C8B: variants seen among roughly 807,000 people sequenced by gnomAD.
The protein encoded by C8B is complement C8 beta chain.
In C8B, 67 loss-of-function variants were observed where a neutral mutation model predicts 64.6. That is an observed-to-expected ratio of 1.04 (90% confidence interval 0.85 to 1.27). The LOEUF is 1.27. Ranked by LOEUF, C8B falls within the 50% of genes most tolerant of loss-of-function variation. The pLI, the probability that C8B is intolerant of heterozygous loss-of-function variation, is 0.00. For synonymous variants in C8B, 284 were observed against 257.7 expected (o/e 1.10, Z -0.98); for missense variants, 790 against 725.2 (o/e 1.09, Z -1.03).
chr1:56,948,247 T>A (rs1364307742), intron 6 of C8B, among the ~76,000 whole-genome samples: 4 of 152,120 alleles, frequency 2.6e-5, no homozygotes, highest in Non-Finnish European at 5.9e-5. Flanking sequence ...AGGGGAAAGC[T>A]AGGAGACAAA....
At chr1:56,939,603 C>T (rs1014439011) in intron 9 of C8B, among the ~76,000 whole-genome samples, 1 of 152,150 alleles carries the variant, frequency 6.6e-6, no homozygotes, top group African/African-American at 2.4e-5. Context: ...TGCAGAAGTC[C>T]CCACAGGCAA....
intron 11 of C8B, chr1:56,931,529 G>A (rs1644700751): frequency 5.1e-6 from 2 of 391,814 alleles, no homozygotes; most frequent in East Asian, 6.0e-5. Flanking sequence ...CAGGAAAAGA[G>A]GGTAAGCATT....
intron 4 of C8B, 30 bp from the exon 5 acceptor site, chr1:56,952,210 G>A (rs200607505): frequency 5.0e-6 from 8 of 1,613,444 alleles, no homozygotes; most frequent in Non-Finnish European, 6.8e-6. Flanking sequence ...ATGGCGAAGA[G>A]GTTAAAGTTT....
chr1:56,946,173 T>C (rs1644939734), intron 6 of C8B, 112 bp from the exon 7 acceptor site: 1 of 1,238,482 alleles, frequency 8.1e-7, no homozygotes, highest in Non-Finnish European at 1.2e-6. Context: ...TCATCACTCT[T>C]ATGATTCCTT....
intron 6 of C8B, among the ~76,000 whole-genome samples, chr1:56,948,181 G>A (rs1383153936): frequency 1.3e-5 from 2 of 152,128 alleles, no homozygotes; most frequent in Non-Finnish European, 2.9e-5. Context: ...GTAAGCAATA[G>A]GAAGCAGATG....
intron 1 of C8B, among the ~76,000 whole-genome samples, chr1:56,961,650 G>A (rs1269993780): frequency 1.3e-5 from 2 of 152,152 alleles, no homozygotes; most frequent in South Asian, 2.1e-4. Flanking sequence ...AGTCATTAGG[G>A]AGAAGAGCAT....
At chr1:56,948,661 G>A (rs534271332) in intron 6 of C8B, among the ~76,000 whole-genome samples, 1 of 152,094 alleles carries the variant, frequency 6.6e-6, no homozygotes, top group Non-Finnish European at 1.5e-5. Flanking sequence ...TGAGAAGAGG[G>A]CCATGAATTA....
At chr1:56,935,649 C>G (rs1351748319) in intron 9 of C8B, among the ~76,000 whole-genome samples, 1 of 152,212 alleles carries the variant, frequency 6.6e-6, no homozygotes, top group Admixed American at 6.5e-5. Flanking sequence ...TATACATTAT[C>G]TAACTTAATC....
intron 6 of C8B, among the ~76,000 whole-genome samples, chr1:56,948,028 C>G (rs75931318): frequency 1.3e-5 from 2 of 152,154 alleles, no homozygotes; most frequent in East Asian, 3.9e-4. Flanking sequence ...ACTGTGAACA[C>G]GAAGGCCAGA....
chr1:56,944,163 C>A (rs566820660), intron 7 of C8B, among the ~76,000 whole-genome samples: 1 of 152,292 alleles, frequency 6.6e-6, no homozygotes, highest in South Asian at 2.1e-4. Flanking sequence ...GTGACTGTTA[C>A]AATCTGCCTG....
intron 4 of C8B, 83 bp from the exon 5 acceptor site, chr1:56,952,263 C>A (rs1439152424): frequency 3.8e-6 from 6 of 1,584,854 alleles, no homozygotes; most frequent in East Asian, 4.5e-5. Flanking sequence ...TGAACGAAAA[C>A]AAAAACTCCT....
intron 11 of C8B, 26 bp downstream of exon 11, chr1:56,931,784 C>G (rs749023257): frequency 1.2e-5 from 18 of 1,537,710 alleles, no homozygotes; most frequent in Admixed American, 6.7e-5. Context: ...TGGACCTCCC[C>G]AGAGTTCCTT....
chr1:56,934,159 G>T (rs971285981), intron 9 of C8B, among the ~76,000 whole-genome samples: 1 of 70,098 alleles, frequency 1.4e-5, no homozygotes, highest in South Asian at 9.0e-4. Flanking sequence ...TTTATGTGCA[G>T]GGTCCTTTTT....
intron 8 of C8B, among the ~76,000 whole-genome samples, chr1:56,941,554 T>TAAC (rs1644864099): frequency 6.7e-6 from 1 of 149,394 alleles, no homozygotes; most frequent in African/African-American, 2.4e-5. Flanking sequence ...AGATAGATAA[T>TAAC]AGACAGACAG....
At chr1:56,930,606 T>C (rs1366265894) in intron 11 of C8B, among the ~76,000 whole-genome samples, 1 of 152,050 alleles carries the variant, frequency 6.6e-6, no homozygotes, top group Non-Finnish European at 1.5e-5. Context: ...GGAGTTACGA[T>C]CAAAGGCTGT....
chr1:56,940,935 G>C lies in C8B; in HGVS notation c.1312C>G (p.Leu438Val). Residue 438 changes from leucine to valine, a missense_variant, in exon 9 of 12, where the codon CTG becomes GTG. Coordinates refer to ENST00000371237, the MANE Select transcript of C8B (RefSeq NM_000066.4). ...RGGASEHITT[L>V]AYQELPTADL... ...GCCGTCGGCAGCTCCTGGTATGCCA[G>C]GGTGGTGATGTGCTCACTTGCCCCT... 1.2e-6 allele frequency: 2 copies of C among 1,614,104 alleles called. No individual in the cohort carries two copies. The highest frequency in any genetic ancestry group is 1.7e-5 in the Admixed American group (1 of 60,020).
chr1:56,938,993 C>G (rs1251707164), intron 9 of C8B, among the ~76,000 whole-genome samples: 2 of 152,178 alleles, frequency 1.3e-5, no homozygotes, highest in Non-Finnish European at 2.9e-5. Context: ...CTCTTGCCTC[C>G]TCTACTCCTG....
intron 2 of C8B, among the ~76,000 whole-genome samples, 158 bp from the exon 3 acceptor site, chr1:56,957,068 T>C (rs568338938): frequency 6.6e-6 from 1 of 152,208 alleles, no homozygotes; most frequent in Admixed American, 6.5e-5. Flanking sequence ...CTCCCCCCAT[T>C]ATATATACTT....
At chr1:56,933,230 A>C (rs1322311804) in intron 10 of C8B, 105 bp downstream of exon 10, 2 of 960,984 alleles carry the variant, frequency 2.1e-6, no homozygotes, top group Admixed American at 3.4e-5. Context: ...CTCCCAGTGG[A>C]CTAAATTCTG....
Sources: allele counts gnomAD v4.1 joint callset (sites outside exome capture counted in the v4.1 genomes callset), GRCh38; gene constraint gnomAD v4.1.1; transcripts MANE v1.5; gene names NCBI Gene and HGNC (gene_info 2026-07-23, HGNC 2026-07-21).